The following TRRAP variants were observed in gnomAD, a reference collection of about 807,000 sequenced individuals.
The protein encoded by TRRAP is transformation/transcription domain-associated protein.
A neutral mutation model predicts 438.8 loss-of-function variants in TRRAP; 41 were observed. That is an observed-to-expected ratio of 0.09 (90% confidence interval 0.07 to 0.12). The LOEUF (loss-of-function observed/expected upper bound fraction) is 0.12, where lower values mean the gene tolerates loss of function less well. Among genes scored for constraint, TRRAP ranks in the 10% least tolerant of loss-of-function variants. TRRAP has a pLI of 1.00. For missense variants in TRRAP, 3,122 were observed against 5,055.1 expected (o/e 0.62, Z 11.60); for synonymous variants, 1,994 against 1,962.9 (o/e 1.02, Z -0.42).
intron 64 of TRRAP, among the ~76,000 whole-genome samples, chr7:98,991,885 C>T (rs1412664791): frequency 6.6e-6 from 1 of 152,208 alleles, no homozygotes; most frequent in Non-Finnish European, 1.5e-5. Flanking sequence ...CCCTGTCACT[C>T]ACAGTTCCTG....
At chr7:99,010,551 A>C (rs548590003) in intron 70 of TRRAP, among the ~76,000 whole-genome samples, 3 of 152,252 alleles carry the variant, frequency 2.0e-5, no homozygotes, top group Admixed American at 2.0e-4. Flanking sequence ...GTGAACTCTT[A>C]CTGAGTTGGT....
At chr7:98,972,515 T>G (rs572346094) in intron 53 of TRRAP, among the ~76,000 whole-genome samples, 1 of 152,358 alleles carries the variant, frequency 6.6e-6, no homozygotes, top group South Asian at 2.1e-4. Flanking sequence ...ATTTGCTAAA[T>G]CAAGCCCACT....
chr7:98,985,143 G>C (rs1272974845), intron 62 of TRRAP, 99 bp downstream of exon 62: 3 of 850,238 alleles, frequency 3.5e-6, no homozygotes, highest in Non-Finnish European at 5.6e-6. Context: ...CTAGAAATGG[G>C]TATGATTTGG....
chr7:98,887,726 T>C (rs1795776230), intron 3 of TRRAP, among the ~76,000 whole-genome samples: 1 of 43,010 alleles, frequency 2.3e-5, no homozygotes, highest in Non-Finnish European at 4.4e-5. Flanking sequence ...TGAAACTCCG[T>C]CTCAAAAAAA....
chr7:98,880,524 A>G (rs1795381178), intron 1 of TRRAP, among the ~76,000 whole-genome samples: 2 of 151,984 alleles, frequency 1.3e-5, no homozygotes, highest in African/African-American at 4.8e-5. Context: ...CGCCTTCCAA[A>G]GTGCTGGGAT....
At chr7:98,899,006 G>T (rs1796352274) in intron 8 of TRRAP, among the ~76,000 whole-genome samples, 1 of 152,104 alleles carries the variant, frequency 6.6e-6, no homozygotes, top group Non-Finnish European at 1.5e-5. Context: ...TGGCCAACAT[G>T]GCAAAACCGC....
At chr7:98,892,660 T>C in intron 5 of TRRAP, 132 bp downstream of exon 5, 4 of 696,876 alleles carry the variant, frequency 5.7e-6, no homozygotes, top group Non-Finnish European at 9.3e-6. Context: ...AGTAAAAATT[T>C]TTCTTAATGT....
chr7:98,991,092 A>G (rs1218338894), intron 64 of TRRAP, among the ~76,000 whole-genome samples: 1 of 152,196 alleles, frequency 6.6e-6, no homozygotes, highest in African/African-American at 2.4e-5. Context: ...ATGGTTCTCA[A>G]GGGCAGTGGG....
At position 98,965,911 on chromosome 7, in the gene TRRAP, G is replaced by A. The variant is rs1356697012; in HGVS notation, c.7176+16G>A. 19 of 1,613,700 alleles carry A rather than the reference G, an allele frequency of 1.2e-5. No homozygotes were observed. In the East Asian group the frequency reaches 4.2e-4, roughly 36 times the overall value. On this transcript the variant is annotated intron_variant, in intron 49 of 72. Coordinates refer to ENST00000456197, the MANE Select transcript of TRRAP (RefSeq NM_001375524.1). ...AGCCAATCAGGTGAGCTGGGACGGT[G>A]TGCCATGTGATCTCCCTTTCAATAA...
intron 56 of TRRAP, 45 bp from the exon 57 acceptor site, chr7:98,978,166 G>A (rs775597983): frequency 1.4e-5 from 21 of 1,479,552 alleles, no homozygotes; most frequent in Admixed American, 3.7e-5. Flanking sequence ...AAGAAAAGGT[G>A]TGTTTCTAGT....
chr7:98,933,918 C>T (rs1790437730), intron 27 of TRRAP, among the ~76,000 whole-genome samples: 1 of 152,228 alleles, frequency 6.6e-6, no homozygotes. Context: ...CCCAAAGCCA[C>T]AGGGCAGGTG....
At chr7:98,935,043 A>G (rs1254706126) in intron 27 of TRRAP, among the ~76,000 whole-genome samples, 1 of 152,226 alleles carries the variant, frequency 6.6e-6, no homozygotes, top group Non-Finnish European at 1.5e-5. Context: ...GATAACAGAT[A>G]GAGAAATATC....
At chr7:98,879,285 C>G (rs981033543) in intron 1 of TRRAP, among the ~76,000 whole-genome samples, 1 of 152,346 alleles carries the variant, frequency 6.6e-6, no homozygotes, top group South Asian at 2.1e-4. Context: ...GCCAGGGCCC[C>G]CCAGGCTCCG....
At chr7:98,995,948 G>A (rs1038195388) in intron 67 of TRRAP, among the ~76,000 whole-genome samples, 8 of 117,450 alleles carry the variant, frequency 6.8e-5, no homozygotes, top group African/African-American at 2.5e-4. Flanking sequence ...TCACACTCCC[G>A]TCCCATCCTC....
Position 98,937,136 on chromosome 7 carries a change from C to T in TRRAP, c.4112-20C>T. 1.3e-6 allele frequency: 2 copies of T among 1,585,392 alleles called. No individual in the cohort carries two copies. The highest frequency in any genetic ancestry group is 1.7e-6 in the Non-Finnish European group (2 of 1,169,960). ...TCTTTCCAGTTAATAATGGAATTGTCTTGATTTCTCTCCCTGAAGATGCAC... is the reference window on the plus strand; with the variant it reads ...TCTTTCCAGTTAATAATGGAATTGTTTTGATTTCTCTCCCTGAAGATGCAC... On this transcript the variant is annotated intron_variant, in intron 28 of 72. Coordinates refer to ENST00000456197, the MANE Select transcript of TRRAP (RefSeq NM_001375524.1).
intron 47 of TRRAP, 128 bp downstream of exon 47, chr7:98,962,555 G>A: frequency 6.5e-7 from 1 of 1,539,034 alleles, no homozygotes; most frequent in Non-Finnish European, 8.8e-7. Flanking sequence ...GCGTTGTTCA[G>A]GTGTCTGTTG....
chr7:98,968,581 G>A (rs1251620441), intron 51 of TRRAP, among the ~76,000 whole-genome samples: 1 of 152,198 alleles, frequency 6.6e-6, no homozygotes, highest in Admixed American at 6.5e-5. Context: ...ATCAGCTTGA[G>A]TTTGCTGTGG....
intron 12 of TRRAP, among the ~76,000 whole-genome samples, chr7:98,905,902 C>T (rs968558905): frequency 6.6e-6 from 1 of 152,110 alleles, no homozygotes; most frequent in Admixed American, 6.5e-5. Flanking sequence ...GGGATCTCTG[C>T]CAGGGGACAC....
intron 7 of TRRAP, among the ~76,000 whole-genome samples, chr7:98,896,028 C>CT (rs536303555): frequency 6.6e-6 from 1 of 151,956 alleles, no homozygotes; most frequent in Non-Finnish European, 1.5e-5. Flanking sequence ...CACTTAAGTA[C>CT]TTTTTTTGTA....
Sources: allele counts gnomAD v4.1 joint callset (sites outside exome capture counted in the v4.1 genomes callset), GRCh38; gene constraint gnomAD v4.1.1; transcripts MANE v1.5; gene names NCBI Gene and HGNC (gene_info 2026-07-23, HGNC 2026-07-21).